PKIB: variants seen among roughly 807,000 people sequenced by gnomAD.
PKIB encodes cAMP-dependent protein kinase inhibitor beta.
Under a neutral mutation model 4.5 loss-of-function variants are expected in PKIB, and 2 were observed. The ratio of observed to expected loss-of-function variants is 0.44; its 90% CI spans 0.18 to 1.39. The LOEUF is 1.39. PKIB is among the 40% of genes most tolerant of loss of function. The pLI, the probability that PKIB is intolerant of heterozygous loss-of-function variation, is 0.27. For missense variants in PKIB, 94 were observed against 92.6 expected (o/e 1.02, Z -0.06); for synonymous variants, 38 against 36.0 (o/e 1.06, Z -0.20).
chr6:122,676,313 G>A (rs1777670696), intron 3 of PKIB, among the ~76,000 whole-genome samples: 1 of 152,072 alleles, frequency 6.6e-6, no homozygotes, highest in African/African-American at 2.4e-5. Context: ...AAGTGGTAAT[G>A]TGAGTGATGT....
chr6:122,476,075 G>C lies in PKIB; in HGVS notation c.-336-1776G>C, dbSNP rs73545216. 5.0e-3 allele frequency among the ~76,000 whole-genome samples: 764 copies of C among 152,230 alleles called. 5 individuals carry two copies. Among genetic ancestry groups the C allele is most frequent in the African/African-American group, 0.017 (712 of 41,536 alleles). On this transcript the variant is annotated intron_variant, in intron 1 of 6. Transcript: ENST00000392491. ...TTTTCTGGAAATTAGAAATTATACT[G>C]CTTAGTTCTCTTGTCCTTAGTACAT...
chr6:122,580,916 T>C (rs1209575459), intron 2 of PKIB, among the ~76,000 whole-genome samples: 1 of 152,150 alleles, frequency 6.6e-6, no homozygotes, highest in Admixed American at 6.5e-5. Context: ...TGAGTCATAG[T>C]TGATGGGGAA....
chr6:122,553,132 C>T (rs953775986), intron 2 of PKIB, among the ~76,000 whole-genome samples: 4 of 152,110 alleles, frequency 2.6e-5, no homozygotes, highest in African/African-American at 4.8e-5. Context: ...CTCTGTCACC[C>T]GCAAGGTAAT....
Position 122,701,801 on chromosome 6 carries a change from A to G in PKIB, c.-8-15986A>G, listed in dbSNP as rs142555879. Reference sequence around the variant, plus strand: ...GCCCTGGAGATTCAGAGATGCCTAGACAACCAACACCCAACACTGGACAGA... The same window carrying G: ...GCCCTGGAGATTCAGAGATGCCTAGGCAACCAACACCCAACACTGGACAGA... On this transcript the variant is annotated intron_variant, in intron 3 of 4. Coordinates refer to ENST00000368452, the MANE Select transcript of PKIB (RefSeq NM_181795.3). 7.1e-3 allele frequency among the ~76,000 whole-genome samples: 1,081 copies of G among 152,292 alleles called. 5 individuals carry two copies. The highest frequency in any genetic ancestry group is 9.6e-3 in the Non-Finnish European group (654 of 68,024).
intron 3 of PKIB, among the ~76,000 whole-genome samples, chr6:122,715,806 G>T (rs1779468203): frequency 6.6e-6 from 1 of 151,924 alleles, no homozygotes; most frequent in Non-Finnish European, 1.5e-5. Context: ...TGCATTATGG[G>T]GATTTGAAGA....
At chr6:122,722,150 C>T (rs1351048189) in intron 4 of PKIB, among the ~76,000 whole-genome samples, 1 of 152,114 alleles carries the variant, frequency 6.6e-6, no homozygotes, top group Non-Finnish European at 1.5e-5. Flanking sequence ...ATTTTCCTTT[C>T]ATTAACATCA....
upstream of PKIB, among the ~76,000 whole-genome samples, chr6:122,608,070 A>G (rs948763803): frequency 3.3e-5 from 5 of 152,076 alleles, no homozygotes; most frequent in South Asian, 2.1e-4. Flanking sequence ...ACGTCAGCCA[A>G]CCCCACCCTT....
chr6:122,569,760 C>T (rs1363359729), intron 2 of PKIB, among the ~76,000 whole-genome samples: 2 of 152,192 alleles, frequency 1.3e-5, no homozygotes, highest in East Asian at 3.8e-4. Context: ...CTCAGGAATT[C>T]CCATTCTTAG....
chr6:122,572,683 G>T (rs1246082267), intron 2 of PKIB, among the ~76,000 whole-genome samples: 8 of 145,484 alleles, frequency 5.5e-5, no homozygotes, highest in Non-Finnish European at 1.2e-4. Flanking sequence ...GAAACAAAAA[G>T]CTGGTTCTTT....
chr6:122,625,606 C>T lies in PKIB; in HGVS notation c.-160-7677C>T, dbSNP rs184149546. Among the ~76,000 whole-genome samples, 9 of 151,918 alleles carry T rather than the reference C, an allele frequency of 5.9e-5. No homozygotes were observed. In the East Asian group the frequency reaches 1.5e-3, roughly 26 times the overall value. On this transcript the variant is annotated intron_variant, in intron 1 of 4. Coordinates refer to ENST00000368452, the MANE Select transcript of PKIB (RefSeq NM_181795.3). ...TGAGCTGAGATTGCCCCACTGCACTCCAGCCTGGGCAACGGAAAGACTCTG... is the reference window on the plus strand; with the variant it reads ...TGAGCTGAGATTGCCCCACTGCACTTCAGCCTGGGCAACGGAAAGACTCTG...
At chr6:122,494,692 A>G (rs1334888211) in intron 2 of PKIB, among the ~76,000 whole-genome samples, 1 of 152,216 alleles carries the variant, frequency 6.6e-6, no homozygotes, top group Non-Finnish European at 1.5e-5. Flanking sequence ...CAAGTGGGTC[A>G]TCAAAGGGAT....
intron 2 of PKIB, among the ~76,000 whole-genome samples, chr6:122,558,053 TG>T (rs567536579): frequency 1.4e-3 from 213 of 152,294 alleles, no homozygotes; most frequent in African/African-American, 4.9e-3. Context: ...AAGTCCTATT[TG>T]TTAGGACTCC....
chr6:122,705,747 A>AT (rs1209253609), intron 3 of PKIB, among the ~76,000 whole-genome samples: 1 of 151,668 alleles, frequency 6.6e-6, no homozygotes. Flanking sequence ...TTGTATTTTT[A>AT]GTAGACATGG....
intron 2 of PKIB, among the ~76,000 whole-genome samples, chr6:122,664,459 G>C (rs907588258): frequency 6.6e-6 from 1 of 152,094 alleles, no homozygotes; most frequent in African/African-American, 2.4e-5. Context: ...CACCAGGCTG[G>C]AGAGAAGTGA....
intron 2 of PKIB, among the ~76,000 whole-genome samples, chr6:122,647,779 C>T (rs116623037): frequency 1.2e-3 from 181 of 152,308 alleles, no homozygotes; most frequent in African/African-American, 4.1e-3. Context: ...TAGAACTGGC[C>T]ATGTGGTCAA....
chr6:122,538,695 G>T (rs1363654975), intron 2 of PKIB, among the ~76,000 whole-genome samples: 1 of 152,054 alleles, frequency 6.6e-6, no homozygotes, highest in Non-Finnish European at 1.5e-5. Flanking sequence ...CTTTAAAGTA[G>T]TTTTTTCCAA....
chr6:122,717,566 A>G, intron 3 of PKIB: 2 of 495,920 alleles, frequency 4.0e-6, no homozygotes. Context: ...CTCAGGGGTT[A>G]TTTTTAGCAA....
chr6:122,673,720 C>T (rs1777555682), intron 2 of PKIB, among the ~76,000 whole-genome samples: 2 of 152,204 alleles, frequency 1.3e-5, no homozygotes, highest in South Asian at 2.1e-4. Context: ...ATTTATTGCA[C>T]TCCTCCTACC....
chr6:122,678,744 G>A (rs1582804224), intron 3 of PKIB, among the ~76,000 whole-genome samples: 1 of 152,178 alleles, frequency 6.6e-6, no homozygotes, highest in South Asian at 2.1e-4. Context: ...AGTGCCACAG[G>A]AGCACAGAAG....
Sources: gnomAD v4.1 joint callset for allele counts (sites outside exome capture counted in the v4.1 genomes callset) on GRCh38, gnomAD v4.1.1 for gene constraint, MANE v1.5 for transcripts, NCBI Gene and HGNC (gene_info 2026-07-23, HGNC 2026-07-21) for gene names.